MLLT3: variants seen among roughly 807,000 people sequenced by gnomAD.
The protein encoded by MLLT3 is MLLT3 super elongation complex subunit, also known as protein AF-9.
In MLLT3, 4 loss-of-function variants were observed where a neutral mutation model predicts 53.2. That is an observed-to-expected ratio of 0.08 (90% confidence interval 0.04 to 0.17). The LOEUF is 0.17. MLLT3 is among the 10% of genes least tolerant of loss of function. The pLI, the probability that MLLT3 is intolerant of heterozygous loss-of-function variation, is 1.00. For missense variants in MLLT3, 569 were observed against 684.0 expected (o/e 0.83, Z 1.87); for synonymous variants, 283 against 230.6 (o/e 1.23, Z -2.06).
chr9:20,351,563 G>A (rs892216515), intron 10 of MLLT3, among the ~76,000 whole-genome samples: 7 of 152,152 alleles, frequency 4.6e-5, no homozygotes, highest in South Asian at 2.1e-4. Context: ...ACTAGCTGCC[G>A]AGTGCCAGGA....
At chr9:20,556,076 C>T (rs113826834) in intron 2 of MLLT3, among the ~76,000 whole-genome samples, 2 of 151,888 alleles carry the variant, frequency 1.3e-5, no homozygotes, top group African/African-American at 4.8e-5. Flanking sequence ...AAAAATGATG[C>T]CAAATCTTTT....
At chr9:20,612,936 G>C (rs1820736118) in intron 2 of MLLT3, among the ~76,000 whole-genome samples, 1 of 152,100 alleles carries the variant, frequency 6.6e-6, no homozygotes, top group Non-Finnish European at 1.5e-5. Flanking sequence ...TCAAAATCTA[G>C]GCCTATGTCC....
chr9:20,589,266 G>A (rs557835371), intron 2 of MLLT3, among the ~76,000 whole-genome samples: 1 of 152,012 alleles, frequency 6.6e-6, no homozygotes, highest in Non-Finnish European at 1.5e-5. Context: ...TAAAAAGGAT[G>A]AGTTCATGTC....
chr9:20,469,133 ACCTT>A (rs201660267), intron 2 of MLLT3, among the ~76,000 whole-genome samples: 1 of 152,296 alleles, frequency 6.6e-6, no homozygotes, highest in East Asian at 1.9e-4. Context: ...CTTGGGAGTC[ACCTT>A]AAATGTGTCA....
At chr9:20,425,996 A>G (rs1408609961) in intron 4 of MLLT3, among the ~76,000 whole-genome samples, 1 of 152,036 alleles carries the variant, frequency 6.6e-6, no homozygotes, top group Admixed American at 6.5e-5. Context: ...AATAGACAAA[A>G]TATATAATGC....
chr9:20,431,831 C>G (rs1051319402), intron 4 of MLLT3, among the ~76,000 whole-genome samples: 6 of 151,988 alleles, frequency 3.9e-5, no homozygotes, highest in African/African-American at 1.2e-4. Flanking sequence ...AAAGACAAAT[C>G]TTATAATGCT....
At chr9:20,441,199 A>C (rs576654208) in intron 4 of MLLT3, among the ~76,000 whole-genome samples, 4 of 152,176 alleles carry the variant, frequency 2.6e-5, no homozygotes, top group South Asian at 4.2e-4. Flanking sequence ...GGTAGTTGGG[A>C]AGGAAGGAAC....
intron 2 of MLLT3, among the ~76,000 whole-genome samples, chr9:20,488,728 C>CT (rs1428212532): frequency 6.6e-6 from 1 of 152,154 alleles, no homozygotes; most frequent in Non-Finnish European, 1.5e-5. Flanking sequence ...CTCCAATTCA[C>CT]TGAAAAGTGG....
At chr9:20,567,303 G>GA (rs1819402037) in intron 2 of MLLT3, among the ~76,000 whole-genome samples, 1 of 49,664 alleles carries the variant, frequency 2.0e-5, no homozygotes, top group Non-Finnish European at 3.5e-5. Flanking sequence ...ACTATATTCA[G>GA]TAAAAAAAAA....
chr9:20,484,851 T>C (rs1000557467), intron 2 of MLLT3, among the ~76,000 whole-genome samples: 5 of 152,218 alleles, frequency 3.3e-5, no homozygotes, highest in Admixed American at 1.3e-4. Flanking sequence ...ACAGTAATTA[T>C]ATAATCATAA....
At chr9:20,459,908 A>G (rs531711786) in intron 2 of MLLT3, among the ~76,000 whole-genome samples, 90 of 152,332 alleles carry the variant, frequency 5.9e-4, no homozygotes, top group African/African-American at 2.0e-3. Flanking sequence ...GGAACTTTTT[A>G]CACACAATAA....
chr9:20,584,608 G>A (rs967911618), intron 2 of MLLT3, among the ~76,000 whole-genome samples: 1 of 152,184 alleles, frequency 6.6e-6, no homozygotes, highest in Non-Finnish European at 1.5e-5. Flanking sequence ...AGAGATAAAT[G>A]AGGAAGAAGC....
intron 5 of MLLT3, among the ~76,000 whole-genome samples, chr9:20,385,631 A>G (rs1340511318): frequency 6.6e-6 from 1 of 152,176 alleles, no homozygotes; most frequent in African/African-American, 2.4e-5. Flanking sequence ...AATTTGTCCT[A>G]AAATGTTAAA....
intron 2 of MLLT3, among the ~76,000 whole-genome samples, chr9:20,520,223 A>G (rs1818024310): frequency 1.3e-5 from 2 of 152,250 alleles, no homozygotes; most frequent in East Asian, 1.9e-4. Context: ...AAGGAGGGAG[A>G]GGATCAGAAA....
At chr9:20,542,414 C>A (rs898596119) in intron 2 of MLLT3, among the ~76,000 whole-genome samples, 2 of 152,132 alleles carry the variant, frequency 1.3e-5, no homozygotes, top group Non-Finnish European at 2.9e-5. Flanking sequence ...CCGCGCCCGG[C>A]TAATTTTTTG....
At chr9:20,367,813 T>A (rs1821497356) in intron 5 of MLLT3, among the ~76,000 whole-genome samples, 1 of 152,216 alleles carries the variant, frequency 6.6e-6, no homozygotes, top group Admixed American at 6.5e-5. Flanking sequence ...TAAATGAGGA[T>A]GAGAATCTCA....
intron 2 of MLLT3, among the ~76,000 whole-genome samples, chr9:20,560,469 G>T (rs1353334291): frequency 6.6e-6 from 1 of 152,134 alleles, no homozygotes; most frequent in African/African-American, 2.4e-5. Context: ...GCCATGAGTT[G>T]GGGAAAAGAG....
chr9:20,383,653 A>T (rs1821959376), intron 5 of MLLT3, among the ~76,000 whole-genome samples: 1 of 151,984 alleles, frequency 6.6e-6, no homozygotes, highest in South Asian at 2.1e-4. Flanking sequence ...GAATAAATAT[A>T]AAATTATGAT....
At chr9:20,408,255 A>C (rs998035672) in intron 5 of MLLT3, among the ~76,000 whole-genome samples, 1 of 151,588 alleles carries the variant, frequency 6.6e-6, no homozygotes, top group Admixed American at 6.5e-5. Context: ...ACACGGAAAC[A>C]AAAAGGCCTC....
Sources: gnomAD v4.1 joint callset for allele counts (sites outside exome capture counted in the v4.1 genomes callset) on GRCh38, gnomAD v4.1.1 for gene constraint, MANE v1.5 for transcripts, NCBI Gene and HGNC (gene_info 2026-07-23, HGNC 2026-07-21) for gene names.